The following SPOCK1 variants were observed in gnomAD, a reference collection of about 807,000 sequenced individuals.
The protein encoded by SPOCK1 is testican-1.
In SPOCK1, 23 loss-of-function variants were observed where a neutral mutation model predicts 55.3. The observed-to-expected ratio is 0.42, with a 90% CI of 0.30 to 0.59. The LOEUF is 0.59. SPOCK1 is among the 20% of genes least tolerant of loss of function. The pLI, the probability that SPOCK1 is intolerant of heterozygous loss-of-function variation, is 0.22. For synonymous variants in SPOCK1, 226 were observed against 221.0 expected, an observed-to-expected ratio of 1.02 and a Z score of -0.20; for missense variants, 499 against 552.5, an observed-to-expected ratio of 0.90 and a Z score of 0.97.
chr5:137,103,799 G>C (rs1255626308), intron 5 of SPOCK1, among the ~76,000 whole-genome samples: 1 of 152,132 alleles, frequency 6.6e-6, no homozygotes. Context: ...AACAAAACTA[G>C]TACATGAACT....
At chr5:137,202,406 T>A (rs548978257) in intron 3 of SPOCK1, among the ~76,000 whole-genome samples, 13 of 152,216 alleles carry the variant, frequency 8.5e-5, no homozygotes, top group African/African-American at 3.1e-4. Context: ...TCATGCAACA[T>A]GACAAACCAG....
rs553617153 is a variant in SPOCK1 at position 136,979,490 on chromosome 5, A to G, written c.992-21T>C. On this transcript the variant is annotated intron_variant, in intron 9 of 10. Coordinates refer to ENST00000394945, the MANE Select transcript of SPOCK1 (RefSeq NM_004598.4). The stretch of plus-strand genomic sequence containing the variant: ...GGCCCCTGGGGGAACAAAAGGTGCA[A>G]CTTTAATCAGAGACATGCAGATGAT... 180 of 1,590,726 alleles carry G rather than the reference A, an allele frequency of 1.1e-4. 3 individuals carry two copies. The South Asian group carries it at 1.9e-3, about 16-fold the overall frequency.
At chr5:137,494,124 T>C (rs1445866837) in intron 2 of SPOCK1, among the ~76,000 whole-genome samples, 1 of 152,240 alleles carries the variant, frequency 6.6e-6, no homozygotes, top group African/African-American at 2.4e-5. Context: ...CAGGGTTTCA[T>C]GTGTGCAAAA....
chr5:136,984,236 A>ATC (rs916823313), intron 9 of SPOCK1, among the ~76,000 whole-genome samples: 2 of 152,164 alleles, frequency 1.3e-5, no homozygotes, highest in African/African-American at 2.4e-5. Flanking sequence ...AGAGAAGAAA[A>ATC]TCACCGGAAT....
At chr5:137,026,846 C>G (rs562394533) in intron 6 of SPOCK1, among the ~76,000 whole-genome samples, 6 of 152,208 alleles carry the variant, frequency 3.9e-5, no homozygotes, top group Admixed American at 3.3e-4. Flanking sequence ...TGGACTTGTT[C>G]TAGGGTGAGT....
intron 2 of SPOCK1, among the ~76,000 whole-genome samples, chr5:137,282,119 C>T (rs1405541303): frequency 6.6e-6 from 1 of 152,178 alleles, no homozygotes; most frequent in African/African-American, 2.4e-5. Flanking sequence ...AAACACCCAG[C>T]GCATAGGATG....
At chr5:137,066,541 C>G (rs1752507391) in intron 6 of SPOCK1, among the ~76,000 whole-genome samples, 1 of 152,168 alleles carries the variant, frequency 6.6e-6, no homozygotes, top group Admixed American at 6.5e-5. Flanking sequence ...AATCTCCAGA[C>G]AGAAGTTAAT....
intron 6 of SPOCK1, among the ~76,000 whole-genome samples, chr5:137,039,774 A>G (rs1751959761): frequency 6.6e-6 from 1 of 152,210 alleles, no homozygotes; most frequent in Non-Finnish European, 1.5e-5. Flanking sequence ...CCTGAAAGAG[A>G]AGAACAGAGC....
chr5:136,992,693 T>C, intron 6 of SPOCK1, 93 bp from the exon 7 acceptor site: 2 of 906,422 alleles, frequency 2.2e-6, no homozygotes, highest in Non-Finnish European at 3.4e-6. Flanking sequence ...AAAGCAAACC[T>C]TTCTATCCAA....
chr5:137,029,627 G>A (rs544710741), intron 6 of SPOCK1, among the ~76,000 whole-genome samples: 32 of 152,324 alleles, frequency 2.1e-4, no homozygotes, highest in Non-Finnish European at 4.4e-4. Context: ...ACTTGGTTTG[G>A]CAAGGAAGCC....
chr5:137,029,462 C>T (rs538406626), intron 6 of SPOCK1, among the ~76,000 whole-genome samples: 84 of 152,258 alleles, frequency 5.5e-4, no homozygotes, highest in Middle Eastern at 6.8e-3. Flanking sequence ...AACCCTTGTG[C>T]GGCAATTTAT....
rs1561513925 is a variant in SPOCK1 at position 137,356,869 on chromosome 5, A to AGT, written c.187-89815_187-89814insAC. 4.5e-4 allele frequency among the ~76,000 whole-genome samples: 57 copies of AGT among 125,818 alleles called. 1 individual carries two copies. The highest frequency in any genetic ancestry group is 1.7e-3 in the African/African-American group (55 of 32,288). The allele number at this position is 125,818 out of a possible 152,430, so 82.5% of individuals were successfully genotyped here. A position where few individuals can be genotyped will look rare whatever the true frequency, so the allele number is the denominator to read the frequency against. ...GAGAGAGAGAGAGAGAGAGAGAGAG[A>AGT]GAGAGAGTATGCAGACCAACCAGGG... On this transcript the variant is annotated intron_variant, in intron 2 of 10. Coordinates refer to ENST00000394945, the MANE Select transcript of SPOCK1 (RefSeq NM_004598.4).
In SPOCK1 at chr5:137,072,767, T is replaced by C. The variant is rs1486411938; in HGVS notation, c.475-4938A>G. Among the ~76,000 whole-genome samples, 3 of 152,236 alleles carry C rather than the reference T, an allele frequency of 2.0e-5. No individual in the cohort carries two copies. In the East Asian group the frequency reaches 5.8e-4, roughly 29 times the overall value. On this transcript the variant is annotated intron_variant, in intron 5 of 10. Transcript: ENST00000394945. Reference sequence around the variant, plus strand: ...TTTTTAACATTTTATTCAAATTGCTTTCTCCACTGTATTTCATCAACCTAT... The same window carrying C: ...TTTTTAACATTTTATTCAAATTGCTCTCTCCACTGTATTTCATCAACCTAT...
chr5:137,171,987 G>A (rs1039074029), intron 3 of SPOCK1, among the ~76,000 whole-genome samples: 2 of 152,174 alleles, frequency 1.3e-5, no homozygotes, highest in African/African-American at 4.8e-5. Flanking sequence ...TTGCCTCTGT[G>A]GCCAGTGAAT....
intron 5 of SPOCK1, among the ~76,000 whole-genome samples, chr5:137,088,200 C>G (rs1395773307): frequency 6.6e-6 from 1 of 152,200 alleles, no homozygotes; most frequent in Non-Finnish European, 1.5e-5. Flanking sequence ...GGTCCCTCTC[C>G]AGGGAGAGGT....
intron 2 of SPOCK1, among the ~76,000 whole-genome samples, chr5:137,331,742 C>T (rs1758187538): frequency 6.6e-6 from 1 of 152,126 alleles, no homozygotes; most frequent in Non-Finnish European, 1.5e-5. Context: ...GGTGCTAAGC[C>T]ACTGGGGAGG....
chr5:137,313,002 C>T (rs1029032715), intron 2 of SPOCK1, among the ~76,000 whole-genome samples: 1 of 152,158 alleles, frequency 6.6e-6, no homozygotes, highest in Admixed American at 6.5e-5. Context: ...GAATCCCAAC[C>T]AGGAGTATCC....
intron 3 of SPOCK1, among the ~76,000 whole-genome samples, chr5:137,187,888 GT>G (rs1554069025): frequency 1.3e-5 from 2 of 152,186 alleles, no homozygotes; most frequent in Non-Finnish European, 2.9e-5. Context: ...ACATGGAAGG[GT>G]TATGATCCAT....
chr5:137,494,738 C>T (rs1754263786), intron 2 of SPOCK1, among the ~76,000 whole-genome samples: 1 of 152,204 alleles, frequency 6.6e-6, no homozygotes, highest in Non-Finnish European at 1.5e-5. Flanking sequence ...GAAGAGATTA[C>T]ATGTATTTAT....
Sources: gnomAD v4.1 joint callset for allele counts (sites outside exome capture counted in the v4.1 genomes callset) on GRCh38, gnomAD v4.1.1 for gene constraint, MANE v1.5 for transcripts, NCBI Gene and HGNC (gene_info 2026-07-23, HGNC 2026-07-21) for gene names.